Variants in FLRT2 observed in about 807,000 individuals in gnomAD.
FLRT2 encodes the protein leucine-rich repeat transmembrane protein FLRT2.
A neutral mutation model predicts 40.0 loss-of-function variants in FLRT2; 15 were observed. The observed-to-expected ratio is 0.38, with a 90% CI of 0.25 to 0.58. FLRT2 has a LOEUF of 0.58. FLRT2 is among the 20% of genes least tolerant of loss of function. The pLI, the probability that FLRT2 is intolerant of heterozygous loss-of-function variation, is 0.71. For missense variants in FLRT2, 726 were observed against 840.0 expected (o/e 0.86, Z 1.68); for synonymous variants, 380 against 336.8 (o/e 1.13, Z -1.41).
intron 1 of FLRT2, among the ~76,000 whole-genome samples, chr14:85,611,562 T>C (rs906342151): frequency 3.3e-5 from 5 of 152,174 alleles, no homozygotes; most frequent in Admixed American, 2.6e-4. Flanking sequence ...TAGAATGTGT[T>C]GTCTCAGACA....
chr14:85,643,364 TTCC>T lies in FLRT2; in HGVS notation c.*19869_*19871del, dbSNP rs1423624197. ...CTTTCTTTCTTTCTTTCTTCCTTCCTTCCTTCCTTCCTTTCTTTCCTTTCTCCT... is the reference window on the plus strand; with the variant it reads ...CTTTCTTTCTTTCTTTCTTCCTTCCTTTCCTTCCTTTCTTTCCTTTCTCCT... On this transcript the variant is annotated 3_prime_UTR_variant, in exon 2 of 2. Transcript: ENST00000330753. 63 of 129,892 alleles carry T rather than the reference TTCC, an allele frequency of 4.9e-4. 3 individuals are homozygous for T. The South Asian group carries it at 5.4e-3, about 11-fold the overall frequency. The allele number at this position is 129,892 out of a possible 1,614,324, so 8.0% of individuals were successfully genotyped here.
rs1894447955 is a variant in FLRT2 at position 85,652,174 on chromosome 14, A to G, written c.*28677A>G. On this transcript the variant is annotated 3_prime_UTR_variant, in exon 2 of 2. Coordinates refer to ENST00000330753, the MANE Select transcript of FLRT2 (RefSeq NM_013231.6). Reference sequence around the variant, plus strand: ...TTGCTGAAGATTCTTTCATAAACATATTAAAGTCAATTATAATTCTGTTTT... The same window carrying G: ...TTGCTGAAGATTCTTTCATAAACATGTTAAAGTCAATTATAATTCTGTTTT... The G allele has an allele frequency of 6.6e-6, 1 of 152,166 alleles. No homozygotes were observed. The highest frequency in any genetic ancestry group is 2.1e-4 in the South Asian group (1 of 4,830). The allele number at this position is 152,166 out of a possible 1,614,324, so 9.4% of individuals were successfully genotyped here. A position where few individuals can be genotyped will look rare whatever the true frequency, so the allele number is the denominator to read the frequency against.
intron 1 of FLRT2, among the ~76,000 whole-genome samples, chr14:85,533,043 A>C (rs1436131220): frequency 6.6e-6 from 1 of 152,200 alleles, no homozygotes; most frequent in African/African-American, 2.4e-5. Context: ...CAGAGAGGAC[A>C]GGGTTAAAAG....
chr14:85,602,962 C>G (rs1228604972), intron 1 of FLRT2, among the ~76,000 whole-genome samples: 2 of 152,088 alleles, frequency 1.3e-5, no homozygotes, highest in East Asian at 3.9e-4. Flanking sequence ...GCATAACTTC[C>G]TTCTTTACAT....
intron 1 of FLRT2, among the ~76,000 whole-genome samples, chr14:85,568,443 ATTGCTAG>A (rs1890733926): frequency 6.6e-6 from 1 of 152,192 alleles, no homozygotes; most frequent in African/African-American, 2.4e-5. Context: ...GTCAGTGGTC[ATTGCTAG>A]GTATGTTTCT....
At chr14:85,551,063 C>T (rs984644839) in intron 1 of FLRT2, among the ~76,000 whole-genome samples, 1 of 152,144 alleles carries the variant, frequency 6.6e-6, no homozygotes, top group Non-Finnish European at 1.5e-5. Flanking sequence ...TTACTATTCA[C>T]ATAATTCATC....
At chr14:85,575,286 C>T (rs1419920393) in intron 1 of FLRT2, among the ~76,000 whole-genome samples, 3 of 151,998 alleles carry the variant, frequency 2.0e-5, no homozygotes, top group Non-Finnish European at 4.4e-5. Flanking sequence ...GACTGAGAAC[C>T]ACATTCCTCT....
At chr14:85,595,936 T>C (rs894411788) in intron 1 of FLRT2, among the ~76,000 whole-genome samples, 1 of 152,158 alleles carries the variant, frequency 6.6e-6, no homozygotes, top group African/African-American at 2.4e-5. Context: ...CGTGTTTCTT[T>C]GTCTGTTGGT....
In FLRT2 at chr14:85,561,784, T is replaced by A. The variant is rs928135206; in HGVS notation, c.-377+31250T>A. Reference sequence around the variant, plus strand: ...ACTAGAATGTCAAATTGCCCTTTTTTAAAAATGTATCATAAAGTAACCTTG... The same window carrying A: ...ACTAGAATGTCAAATTGCCCTTTTTAAAAAATGTATCATAAAGTAACCTTG... On this transcript the variant is annotated intron_variant, in intron 1 of 1. Coordinates refer to ENST00000330753, the MANE Select transcript of FLRT2 (RefSeq NM_013231.6). Among the ~76,000 whole-genome samples the A allele has an allele frequency of 8.5e-5, 13 of 152,342 alleles. No individual in the cohort carries two copies. In the South Asian group the frequency reaches 1.0e-3, roughly 12 times the overall value.
intron 1 of FLRT2, among the ~76,000 whole-genome samples, chr14:85,539,911 C>T (rs2139807966): frequency 6.6e-6 from 1 of 152,308 alleles, no homozygotes; most frequent in East Asian, 1.9e-4. Flanking sequence ...GCCCCTGCAT[C>T]ATTTCTTCCA....
rs1031033771 is a variant in FLRT2, at chr14:85,621,167, C to T, written c.-348C>T. 1.8e-5 allele frequency: 5 copies of T among 285,424 alleles called. No homozygotes were observed. Among genetic ancestry groups the T allele is most frequent in the South Asian group, 1.7e-4 (2 of 11,806 alleles). 17.7% of individuals were successfully genotyped at this position (285,424 alleles called of 1,614,324 possible). ...GCAGATTGAGCTTAACCAAGAAGTT[C>T]GTAGGCTAATCAAGGCTGGCTTGAC... On this transcript the variant is annotated 5_prime_UTR_variant, in exon 2 of 2. Coordinates refer to ENST00000330753, the MANE Select transcript of FLRT2 (RefSeq NM_013231.6).
At position 85,567,635 on chromosome 14, in the gene FLRT2, A is replaced by ATTT. The variant is rs34161461; in HGVS notation, c.-377+37122_-377+37124dup. Reference sequence around the variant, plus strand: ...GCCTAGCACACGGGAAGTGACTTACATTTTTTTTTTTTTTTTTTTTTTTGA... The same window carrying ATTT: ...GCCTAGCACACGGGAAGTGACTTACATTTTTTTTTTTTTTTTTTTTTTTTTTGA... On this transcript the variant is annotated intron_variant, in intron 1 of 1. Coordinates refer to ENST00000330753, the MANE Select transcript of FLRT2 (RefSeq NM_013231.6). 3.6e-4 allele frequency among the ~76,000 whole-genome samples: 27 copies of ATTT among 75,058 alleles called. 1 individual carries two copies. Among genetic ancestry groups the ATTT allele is most frequent in the East Asian group, 1.6e-3 (4 of 2,514 alleles). The allele number at this position is 75,058 out of a possible 152,430, so 49.2% of individuals were successfully genotyped here. A position where few individuals can be genotyped will look rare whatever the true frequency, so the allele number is the denominator to read the frequency against.
chr14:85,598,350 G>A (rs1470911143), intron 1 of FLRT2, among the ~76,000 whole-genome samples: 1 of 152,128 alleles, frequency 6.6e-6, no homozygotes, highest in Non-Finnish European at 1.5e-5. Context: ...TGATGGAGTG[G>A]GATTGGGTGA....
chr14:85,615,533 A>G (rs1445839005), intron 1 of FLRT2, among the ~76,000 whole-genome samples: 2 of 150,738 alleles, frequency 1.3e-5, no homozygotes, highest in African/African-American at 4.9e-5. Context: ...CTTTCTCTTT[A>G]TCTCAGTAAA....
rs145804114 is a variant in FLRT2 at position 85,605,173 on chromosome 14, T to C, written c.-376-15966T>C. 2.0e-5 allele frequency among the ~76,000 whole-genome samples: 3 copies of C among 152,258 alleles called. No homozygotes were observed. In the East Asian group the frequency reaches 5.8e-4, roughly 29 times the overall value. ...TTCCCCACACCCCCTCTTCCTATTG[T>C]CAAGAAAGACCATTTAGGGAGCCCA... is the stretch of plus-strand genomic sequence containing the variant. On this transcript the variant is annotated intron_variant, in intron 1 of 1. Coordinates refer to ENST00000330753, the MANE Select transcript of FLRT2 (RefSeq NM_013231.6).
chr14:85,582,596 CCTA>C (rs1029903836), intron 1 of FLRT2, among the ~76,000 whole-genome samples: 1 of 152,012 alleles, frequency 6.6e-6, no homozygotes, highest in Non-Finnish European at 1.5e-5. Context: ...ACCTTATAAT[CCTA>C]CTGTGTGAAT....
In FLRT2 at chr14:85,652,532, A is replaced by G. The variant is rs1311139798; in HGVS notation, c.*29035A>G. On this transcript the variant is annotated 3_prime_UTR_variant, in exon 2 of 2. Transcript: ENST00000330753. ...ATCTGATTAAACAAACAAAAAACCC[A>G]TCTTTATTTTTAGACTAAAAGCCTT... 6.6e-6 allele frequency: 1 copy of G among 152,098 alleles called. No individual in the cohort carries two copies. Among genetic ancestry groups the G allele is most frequent in the African/African-American group, 2.4e-5 (1 of 41,422 alleles). 9.4% of individuals were successfully genotyped at this position (152,098 alleles called of 1,614,324 possible). A position where few individuals can be genotyped will look rare whatever the true frequency, so the allele number is the denominator to read the frequency against.
In FLRT2 at chr14:85,648,164, C is replaced by T. The variant is rs1305031803; in HGVS notation, c.*24667C>T. The T allele has an allele frequency of 6.6e-6, 1 of 152,094 alleles. No homozygotes were observed. The highest frequency in any genetic ancestry group is 1.5e-5 in the Non-Finnish European group (1 of 68,010). The allele number at this position is 152,094 out of a possible 1,614,324, so 9.4% of individuals were successfully genotyped here. ...ATTTGGGGACAGTGTAAGCCTCATT[C>T]TAATTGCATAAGGAATAGTTACTGT... On this transcript the variant is annotated 3_prime_UTR_variant, in exon 2 of 2. Coordinates refer to ENST00000330753, the MANE Select transcript of FLRT2 (RefSeq NM_013231.6).
intron 1 of FLRT2, among the ~76,000 whole-genome samples, chr14:85,618,639 G>C (rs985346705): frequency 1.3e-5 from 2 of 152,080 alleles, no homozygotes; most frequent in East Asian, 1.9e-4. Context: ...ACTGTCTCCC[G>C]GGGACAAAAG....
Sources: allele counts gnomAD v4.1 joint callset (sites outside exome capture counted in the v4.1 genomes callset), GRCh38; gene constraint gnomAD v4.1.1; transcripts MANE v1.5; gene names NCBI Gene and HGNC (gene_info 2026-07-23, HGNC 2026-07-21).